CTSF: variants seen among roughly 807,000 people sequenced by gnomAD.
The protein encoded by CTSF is cathepsin F.
CTSF carries 65 observed loss-of-function variants against 63.5 expected under a neutral mutation model. The observed-to-expected ratio is 1.02, with a 90% confidence interval of 0.84 to 1.26. The LOEUF (loss-of-function observed/expected upper bound fraction) is 1.26. CTSF is among the 50% of genes most tolerant of loss of function. CTSF has a pLI of 0.00. For synonymous variants in CTSF, 256 were observed against 258.1 expected (o/e 0.99, Z 0.08); for missense variants, 641 against 631.0 (o/e 1.02, Z -0.17).
chr11:66,564,237 G>A, intron 11 of CTSF, 91 bp from the exon 12 acceptor site: 2 of 1,446,238 alleles, frequency 1.4e-6, no homozygotes, highest in Non-Finnish European at 1.9e-6. Context: ...CTTGCACTGG[G>A]CCTACTGTGT....
At position 66,566,139 on chromosome 11, in the gene CTSF, A is replaced by T. The variant is rs879899565; in HGVS notation, c.750T>A (p.Asn250Lys). Residue 250 changes from asparagine (N) to lysine (K), a missense_variant, in exon 6 of 13, where the codon AAT becomes AAA. Coordinates refer to ENST00000310325, the MANE Select transcript of CTSF (RefSeq NM_003793.4). ...TGCCAGGCTCTTTCCTCAGGAGAGTATTCAGGTAGATAGTGCGGAACTCCT... is the reference window on the plus strand; with the variant it reads ...TGCCAGGCTCTTTCCTCAGGAGAGTTTTCAGGTAGATAGTGCGGAACTCCT... ...TEEEFRTIYLNTLLRKEPGNK... is the reference protein window; with the variant it reads ...TEEEFRTIYLKTLLRKEPGNK... The T allele has an allele frequency of 4.3e-6, 7 of 1,614,034 alleles. No individual in the cohort carries two copies. Among genetic ancestry groups the T allele is most frequent in the Non-Finnish European group, 5.9e-6 (7 of 1,180,038 alleles).
At chr11:66,566,993 A>C (rs916500539) in intron 4 of CTSF, among the ~76,000 whole-genome samples, 3 of 151,972 alleles carry the variant, frequency 2.0e-5, no homozygotes, top group Admixed American at 6.6e-5. Flanking sequence ...CTCCCAAAGT[A>C]CTGCGATTAC....
chr11:66,566,204 G>A, intron 5 of CTSF, 37 bp from the exon 6 acceptor site: 2 of 1,604,420 alleles, frequency 1.2e-6, no homozygotes, highest in Non-Finnish European at 1.7e-6. Context: ...GGGAGGAAGA[G>A]TGTTCTAAGC....
At chr11:66,565,586 C>A in intron 8 of CTSF, 85 bp downstream of exon 8, 1 of 1,568,666 alleles carries the variant, frequency 6.4e-7, no homozygotes, top group Non-Finnish European at 8.7e-7. Flanking sequence ...AACTCTCATG[C>A]TCATGTCTCC....
chr11:66,566,110 T>C lies in CTSF; in HGVS notation c.779A>G (p.Lys260Arg), dbSNP rs1857925084. The change falls in exon 6 of 13, where the codon AAG (lysine) becomes AGG (arginine). Residue 260 changes from lysine to arginine, a missense_variant. Lys to Arg is a conservative substitution (Grantham distance 26). Coordinates refer to ENST00000310325, the MANE Select transcript of CTSF (RefSeq NM_003793.4). The part of the protein sequence containing the change: ...NTLLRKEPGN[K>R]MKQAKSVGDL... ...ACCCACAGACTTGGCTTGCTTCATC[T>C]TGTTGCCAGGCTCTTTCCTCAGGAG... is the stretch of plus-strand genomic sequence containing the variant. 6.2e-7 allele frequency: 1 copy of C among 1,614,180 alleles called. No individual in the cohort carries two copies. The highest frequency in any genetic ancestry group is 8.5e-7 in the Non-Finnish European group (1 of 1,180,028).
chr11:66,566,049 C>CT lies in CTSF; in HGVS notation c.839dup (p.Ala282GlyfsTer39), dbSNP rs745821135. The CT allele has an allele frequency of 2.5e-6, 4 of 1,614,190 alleles. No individual in the cohort carries two copies. The highest frequency in any genetic ancestry group is 3.4e-6 in the Non-Finnish European group (4 of 1,180,022). On this transcript the variant is annotated frameshift_variant, in exon 6 of 13. Transcript: ENST00000310325. LOFTEE classifies it high-confidence loss of function. Reference sequence around the variant, plus strand: ...GGTCTTTGACTTTTGTGACAGCCCCCTTACTCCTCCAGTCCCATTCAGGTG... The same window carrying CT: ...GGTCTTTGACTTTTGTGACAGCCCCCTTTACTCCTCCAGTCCCATTCAGGTG...
chr11:66,565,778 A>G, intron 7 of CTSF, 27 bp from the exon 8 acceptor site: 1 of 1,613,892 alleles, frequency 6.2e-7, no homozygotes, highest in Non-Finnish European at 8.5e-7. Flanking sequence ...TGGTCCCAAG[A>G]AGCCCTCCTG....
In CTSF at chr11:66,564,541, C is replaced by G; in HGVS notation, c.1321+17G>C. 1 of 1,535,358 alleles carries G rather than the reference C, an allele frequency of 6.5e-7. No individual in the cohort carries two copies. Among genetic ancestry groups the G allele is most frequent in the Non-Finnish European group, 8.8e-7 (1 of 1,138,150 alleles). On this transcript the variant is annotated intron_variant, in intron 11 of 12. Transcript: ENST00000310325. Reference sequence around the variant, plus strand: ...GCCTGTGGCCTGGCTGGATGCAGGACAGGCAGCGGAACTCACGGTTGCCGT... The same window carrying G: ...GCCTGTGGCCTGGCTGGATGCAGGAGAGGCAGCGGAACTCACGGTTGCCGT...
rs1171476084 is a variant in CTSF at position 66,565,400 on chromosome 11, C to G, written c.1045+271G>C. Among the ~76,000 whole-genome samples, 5 of 152,322 alleles carry G rather than the reference C, an allele frequency of 3.3e-5. No homozygotes were observed. In the East Asian group the frequency reaches 9.7e-4, roughly 29 times the overall value. On this transcript the variant is annotated intron_variant, in intron 8 of 12. Transcript: ENST00000310325. ...AGACTACAGATGCAAGCCACCATGC[C>G]TGGCTAATGTCTTTAATTTTTTGTA...
rs1204123015 is a variant in CTSF, at chr11:66,568,045, A to T, written c.251T>A (p.Leu84Gln). 2 of 1,602,292 alleles carry T rather than the reference A, an allele frequency of 1.2e-6. No individual in the cohort carries two copies. Among genetic ancestry groups the T allele is most frequent in the Admixed American group, 1.8e-5 (1 of 56,820 alleles). The stretch of plus-strand genomic sequence containing the variant: ...GGGGTCGTTGCAGGGTGGCTCCTCC[A>T]GGGTGGCCTCCAGGGAGTACAGCGA... ...QGSLYSLEATLEEPPCNDPMV... is the reference protein window; with the variant it reads ...QGSLYSLEATQEEPPCNDPMV... The change falls in exon 2 of 13, where the codon CTG (leucine) becomes CAG (glutamine). Residue 84 changes from leucine (L) to glutamine (Q), a missense_variant. Leu to Gln is a moderately radical substitution (Grantham distance 113). Transcript: ENST00000310325.
Position 66,568,408 on chromosome 11 carries a change from C to T in CTSF, c.79G>A (p.Ala27Thr). The T allele has an allele frequency of 7.5e-7, 1 of 1,326,920 alleles. No homozygotes were observed. 82.2% of individuals were successfully genotyped at this position (1,326,920 alleles called of 1,614,324 possible). ...AVAAPAQPRA[A>T]SFQAWGPPSP... ...GGCGGCCCCCAGGCCTGAAAGCTGG[C>T]GGCTCGGGGCTGGGCGGGGGCGGCC... Residue 27 changes from alanine (A) to threonine (T), a missense_variant, in exon 1 of 13, where the codon GCC becomes ACC. Physicochemically the swap from Ala to Thr is moderately conservative, Grantham distance 58 (BLOSUM62 0). Coordinates refer to ENST00000310325, the MANE Select transcript of CTSF (RefSeq NM_003793.4).
chr11:66,567,211 G>C, intron 4 of CTSF, 35 bp downstream of exon 4: 1 of 1,601,440 alleles, frequency 6.2e-7, no homozygotes. Flanking sequence ...GTCCTGTTCT[G>C]ATAGGAACAG....
At position 66,564,813 on chromosome 11, in the gene CTSF, T is replaced by C. The variant is rs1480417362; in HGVS notation, c.1166-7A>G. The stretch of plus-strand genomic sequence containing the variant: ...GCCAGCCAGGCTGCCAGCTCTGAGA[T>C]GGGAAGGGGTGGCATCAGTAGGCAC... On this transcript the variant is annotated splice_region_variant and splice_polypyrimidine_tract_variant and intron_variant, in intron 9 of 12. Coordinates refer to ENST00000310325, the MANE Select transcript of CTSF (RefSeq NM_003793.4). 6 of 1,613,866 alleles carry C rather than the reference T, an allele frequency of 3.7e-6. No homozygotes were observed. The highest frequency in any genetic ancestry group is 3.3e-5 in the Admixed American group (2 of 59,982).
intron 8 of CTSF, 124 bp from the exon 9 acceptor site, chr11:66,565,130 C>G (rs1242023285): frequency 3.5e-6 from 5 of 1,444,198 alleles, no homozygotes; most frequent in Middle Eastern, 2.5e-4. Context: ...CAGGCCATCC[C>G]CTCTGAAGAA....
rs777613871 is a variant in CTSF, at chr11:66,568,072, C to T, written c.224G>A (p.Gly75Glu). Residue 75 changes from glycine (G) to glutamate (E), a missense_variant, in exon 2 of 13, where the codon GGG becomes GAG. By Grantham distance (98) the Gly-to-Glu change is moderately conservative. Transcript: ENST00000310325. ...VRGRVRRAGQ[G>E]SLYSLEATLE... Reference sequence around the variant, plus strand: ...GGTGGCCTCCAGGGAGTACAGCGACCCCTGACCCGCCTGGAGAGAGGAGTA... The same window carrying T: ...GGTGGCCTCCAGGGAGTACAGCGACTCCTGACCCGCCTGGAGAGAGGAGTA... The T allele has an allele frequency of 1.9e-6, 3 of 1,592,494 alleles. No homozygotes were observed. In the African/African-American group the frequency reaches 4.1e-5, roughly 22 times the overall value.
At chr11:66,566,849 G>C (rs1202783173) in intron 4 of CTSF, among the ~76,000 whole-genome samples, 2 of 151,746 alleles carry the variant, frequency 1.3e-5, no homozygotes, top group African/African-American at 2.4e-5. Context: ...TCAGCCTCCC[G>C]AGTAGCTGGT....
chr11:66,564,279 G>A (rs940645860), intron 11 of CTSF, 133 bp from the exon 12 acceptor site: 3 of 1,176,358 alleles, frequency 2.6e-6, no homozygotes, highest in African/African-American at 1.5e-5. Context: ...AGAAAGCGAG[G>A]GGCCCACCTA....
Position 66,563,759 on chromosome 11 carries a change from A to G in CTSF, c.*174T>C. 1 of 716,246 alleles carries G rather than the reference A, an allele frequency of 1.4e-6. No individual in the cohort carries two copies. Among genetic ancestry groups the G allele is most frequent in the South Asian group, 1.8e-5 (1 of 54,434 alleles). The allele number at this position is 716,246 out of a possible 1,614,324, so 44.4% of individuals were successfully genotyped here. On this transcript the variant is annotated 3_prime_UTR_variant, in exon 13 of 13. Coordinates refer to ENST00000310325, the MANE Select transcript of CTSF (RefSeq NM_003793.4). The stretch of plus-strand genomic sequence containing the variant: ...GCAGGTGCAGAACTTCAGGGTGGGA[A>G]TGGGGTGCAGGGAAGCAGGGGCTGT...
At position 66,568,585 on chromosome 11, in the gene CTSF, G is replaced by A; in HGVS notation, c.-99C>T. On this transcript the variant is annotated 5_prime_UTR_variant, in exon 1 of 13. Coordinates refer to ENST00000310325, the MANE Select transcript of CTSF (RefSeq NM_003793.4). ...CGGGGCCTGAGTCCTCCCTCCAGCGGGGCGACGGCACGCCGACCAATGGGC... is the reference window on the plus strand; with the variant it reads ...CGGGGCCTGAGTCCTCCCTCCAGCGAGGCGACGGCACGCCGACCAATGGGC... 4 of 1,349,248 alleles carry A rather than the reference G, an allele frequency of 3.0e-6. No homozygotes were observed. Among genetic ancestry groups the A allele is most frequent in the Non-Finnish European group, 3.9e-6 (4 of 1,038,302 alleles). The allele number at this position is 1,349,248 out of a possible 1,614,324, so 83.6% of individuals were successfully genotyped here.
Sources: gnomAD v4.1 joint callset for allele counts (sites outside exome capture counted in the v4.1 genomes callset) on GRCh38, gnomAD v4.1.1 for gene constraint, MANE v1.5 for transcripts, NCBI Gene and HGNC (gene_info 2026-07-23, HGNC 2026-07-21) for gene names.